Variants in ZCCHC7 observed in about 807,000 individuals in gnomAD.
ZCCHC7 encodes the protein zinc finger CCHC-type containing 7.
Under a neutral mutation model 52.0 loss-of-function variants are expected in ZCCHC7, and 35 were observed. The observed-to-expected ratio is 0.67, with a 90% CI of 0.51 to 0.89. The LOEUF is 0.89. Among genes scored for constraint, ZCCHC7 ranks in the 40% least tolerant of loss-of-function variants. The pLI is 0.00. For synonymous variants in ZCCHC7, 217 were observed against 221.5 expected (o/e 0.98, Z 0.18); for missense variants, 574 against 649.1 (o/e 0.88, Z 1.26).
rs745723543 is a variant in ZCCHC7 at position 37,228,781 on chromosome 9, G to A, written c.611-73407G>A. 2.0e-5 allele frequency among the ~76,000 whole-genome samples: 3 copies of A among 150,596 alleles called. 1 individual carries two copies. The highest frequency in any genetic ancestry group is 4.4e-5 in the Non-Finnish European group (3 of 67,836). On this transcript the variant is annotated intron_variant, in intron 2 of 8. Coordinates refer to ENST00000336755, the MANE Select transcript of ZCCHC7 (RefSeq NM_032226.3). ...TATTCATATAAGAAAATATATTTCTGCATACTTCTACCCAATCACGATAGT... is the reference window on the plus strand; with the variant it reads ...TATTCATATAAGAAAATATATTTCTACATACTTCTACCCAATCACGATAGT...
intron 2 of ZCCHC7, among the ~76,000 whole-genome samples, chr9:37,138,353 G>T (rs1843083574): frequency 6.6e-6 from 1 of 152,030 alleles, no homozygotes; most frequent in African/African-American, 2.4e-5. Flanking sequence ...ATGCAGCTTT[G>T]GGTTGGATTT....
intron 6 of ZCCHC7, among the ~76,000 whole-genome samples, chr9:37,328,116 G>A (rs1006500956): frequency 1.5e-4 from 23 of 151,776 alleles, no homozygotes; most frequent in African/African-American, 5.3e-4. Flanking sequence ...AAATTAAAGG[G>A]AAAAAGTATA....
rs149245403 is a variant in ZCCHC7, at chr9:37,302,961, A to T, written c.654+730A>T. ...AGGAAGACTGGATTATCAGTCTTTT[A>T]TTATCATCCAGTCTTGTAGGCAGTA... On this transcript the variant is annotated intron_variant, in intron 3 of 8. Coordinates refer to ENST00000336755, the MANE Select transcript of ZCCHC7 (RefSeq NM_032226.3). 2.6e-3 allele frequency among the ~76,000 whole-genome samples: 395 copies of T among 152,336 alleles called. 2 individuals are homozygous for T. Among genetic ancestry groups the T allele is most frequent in the African/African-American group, 8.9e-3 (369 of 41,568 alleles).
chr9:37,297,174 CT>C (rs1399243205), intron 2 of ZCCHC7, among the ~76,000 whole-genome samples: 2 of 151,880 alleles, frequency 1.3e-5, no homozygotes, highest in African/African-American at 4.8e-5. Flanking sequence ...ACTTTTTGTC[CT>C]TTTTAAAAGC....
chr9:37,225,127 TGAAA>T lies in ZCCHC7; in HGVS notation c.611-77057_611-77054del, dbSNP rs1331422910. ...AATTGAAGACCAATCAGGAATAAAA[TGAAA>T]GAAGACATAAATTACCATCATTAGT... On this transcript the variant is annotated intron_variant, in intron 2 of 8. Coordinates refer to ENST00000336755, the MANE Select transcript of ZCCHC7 (RefSeq NM_032226.3). Among the ~76,000 whole-genome samples the T allele has an allele frequency of 2.0e-5, 3 of 152,180 alleles. 1 individual carries two copies. Among genetic ancestry groups the T allele is most frequent in the Non-Finnish European group, 4.4e-5 (3 of 68,014 alleles).
intron 6 of ZCCHC7, among the ~76,000 whole-genome samples, chr9:37,345,860 G>A (rs900250282): frequency 3.9e-5 from 6 of 152,020 alleles, no homozygotes; most frequent in Admixed American, 2.0e-4. Context: ...ATTCCATTTT[G>A]TGTAGCTTTC....
Position 37,356,922 on chromosome 9 carries a change from A to G in ZCCHC7, c.1286A>G (p.Lys429Arg), listed in dbSNP as rs1248962182. The G allele has an allele frequency of 6.2e-7, 1 of 1,613,946 alleles. No homozygotes were observed. Among genetic ancestry groups the G allele is most frequent in the East Asian group, 2.2e-5 (1 of 44,854 alleles). Residue 429 changes from lysine (K) to arginine (R), a missense_variant, in exon 9 of 9, where the codon AAG (lysine) becomes AGG (arginine). This residue lies in a region of ZCCHC7 where 168 missense variants were observed against 171.6 expected (regional missense o/e 0.98). Coordinates refer to ENST00000336755, the MANE Select transcript of ZCCHC7 (RefSeq NM_032226.3). ...ANENPHHDIR[K>R]GRASWKSNRW... ...GAGAACCCCCACCATGATATAAGGA[A>G]GGGCCGTGCCTCATGGAAAAGCAAC...
intron 2 of ZCCHC7, among the ~76,000 whole-genome samples, chr9:37,216,984 G>A (rs1824542372): frequency 6.6e-6 from 1 of 152,018 alleles, no homozygotes; most frequent in South Asian, 2.1e-4. Flanking sequence ...ACTATAAAAT[G>A]CACTTTATCC....
In ZCCHC7 at chr9:37,132,696, G is replaced by C. The variant is rs192938272; in HGVS notation, c.610+5754G>C. On this transcript the variant is annotated intron_variant, in intron 2 of 8. Transcript: ENST00000336755. ...ATGCTCAAGTCCCTGATATAAAATT[G>C]TGGAATATTTGCATATAACCTATTT... 2.6e-5 allele frequency among the ~76,000 whole-genome samples: 4 copies of C among 152,234 alleles called. No homozygotes were observed. The East Asian group carries it at 7.7e-4, about 29-fold the overall frequency.
At chr9:37,186,592 G>A in intron 2 of ZCCHC7, 1 of 393,414 alleles carries the variant, frequency 2.5e-6, no homozygotes, top group Non-Finnish European at 4.8e-6. Flanking sequence ...GGCAGTAACT[G>A]AAGTTTGCTT....
chr9:37,170,029 A>G (rs2132971395), intron 2 of ZCCHC7, among the ~76,000 whole-genome samples: 1 of 152,198 alleles, frequency 6.6e-6, no homozygotes, highest in South Asian at 2.1e-4. Flanking sequence ...GTGCCACTGC[A>G]ATCCTTGGCT....
intron 2 of ZCCHC7, among the ~76,000 whole-genome samples, chr9:37,191,913 GA>G (rs2133108229): frequency 6.6e-6 from 1 of 152,310 alleles, no homozygotes; most frequent in East Asian, 1.9e-4. Flanking sequence ...CATTGTTTGT[GA>G]AAGTCCTTTG....
intron 2 of ZCCHC7, among the ~76,000 whole-genome samples, chr9:37,164,490 T>TAGAC (rs1821303484): frequency 7.8e-6 from 1 of 128,870 alleles, no homozygotes; most frequent in African/African-American, 3.0e-5. Flanking sequence ...GATAGATAGA[T>TAGAC]AGATAGATAG....
intron 2 of ZCCHC7, among the ~76,000 whole-genome samples, chr9:37,138,688 T>C (rs893913229): frequency 1.3e-5 from 2 of 151,294 alleles, no homozygotes; most frequent in African/African-American, 4.8e-5. Context: ...TCACCTTATC[T>C]ACAGGTTTGT....
chr9:37,210,509 G>A (rs1408142552), intron 2 of ZCCHC7, among the ~76,000 whole-genome samples: 1 of 152,128 alleles, frequency 6.6e-6, no homozygotes, highest in Non-Finnish European at 1.5e-5. Context: ...TTCAGGAGTA[G>A]TGTATAATAA....
At chr9:37,315,416 T>G (rs1321461643) in intron 5 of ZCCHC7, among the ~76,000 whole-genome samples, 2 of 140,520 alleles carry the variant, frequency 1.4e-5, no homozygotes, top group Non-Finnish European at 3.1e-5. Context: ...GGCATTCTAC[T>G]AATTGTTGAC....
intron 2 of ZCCHC7, among the ~76,000 whole-genome samples, chr9:37,204,823 A>G (rs1221654018): frequency 6.6e-6 from 1 of 152,164 alleles, no homozygotes; most frequent in Admixed American, 6.5e-5. Context: ...ATTTTAAAGT[A>G]GTTTTTTTCT....
chr9:37,219,380 TC>T (rs1268283252), intron 2 of ZCCHC7, among the ~76,000 whole-genome samples: 1 of 152,240 alleles, frequency 6.6e-6, no homozygotes, highest in Non-Finnish European at 1.5e-5. Context: ...GTTTGCTAAC[TC>T]CTGCACTAGG....
In ZCCHC7 at chr9:37,354,935, T is replaced by C; in HGVS notation, c.1198+111T>C. On this transcript the variant is annotated intron_variant, in intron 8 of 8. Transcript: ENST00000336755. This position sits in a 1 kb window ranked among gnomAD's most constrained non-coding sequence, Gnocchi z 4.0. ...CATTGGTTAGCATAGAAAGTATTTTTAGTAATTACCAAAGAGACTGGAACT... is the reference window on the plus strand; with the variant it reads ...CATTGGTTAGCATAGAAAGTATTTTCAGTAATTACCAAAGAGACTGGAACT... 4 of 637,296 alleles carry C rather than the reference T, an allele frequency of 6.3e-6. No homozygotes were observed. The highest frequency in any genetic ancestry group is 1.0e-5 in the Non-Finnish European group (4 of 383,186). 39.5% of individuals were successfully genotyped at this position (637,296 alleles called of 1,614,324 possible). A position where few individuals can be genotyped will look rare whatever the true frequency, so the allele number is the denominator to read the frequency against.
Sources: allele counts gnomAD v4.1 joint callset (sites outside exome capture counted in the v4.1 genomes callset), GRCh38; gene constraint gnomAD v4.1.1; regional missense constraint gnomAD v4.1.1; non-coding constraint Gnocchi (gnomAD v3.1); transcripts MANE v1.5; gene names NCBI Gene and HGNC (gene_info 2026-07-23, HGNC 2026-07-21).